KLHDC1: variants seen among roughly 807,000 people sequenced by gnomAD.
The protein encoded by KLHDC1 is kelch domain containing 1.
Under a neutral mutation model 68.3 loss-of-function variants are expected in KLHDC1, and 53 were observed. The ratio of observed to expected loss-of-function variants is 0.78; its 90% CI spans 0.62 to 0.98. The LOEUF (loss-of-function observed/expected upper bound fraction) is 0.98. Among genes scored for constraint, KLHDC1 ranks in the 50% least tolerant of loss-of-function variants. The probability of loss-of-function intolerance (pLI) is 0.00; values close to 1 mark genes in which losing one functional copy is unlikely to be tolerated. For synonymous variants in KLHDC1, 148 were observed against 159.0 expected, an observed-to-expected ratio of 0.93 and a Z score of 0.52; for missense variants, 470 against 492.3, an observed-to-expected ratio of 0.95 and a Z score of 0.43.
rs753623600 is a variant in KLHDC1, at chr14:49,723,835, A to G, written c.405-39A>G. The G allele has an allele frequency of 3.3e-5, 40 of 1,203,256 alleles. No individual in the cohort carries two copies. In the Middle Eastern group the frequency reaches 2.1e-3, roughly 63 times the overall value. 74.5% of individuals were successfully genotyped at this position (1,203,256 alleles called of 1,614,324 possible). ...AGCTTTCTATGAACAAACTGGAAACAGAATTCCTAAAGTGTGTCATTTCGT... is the reference window on the plus strand; with the variant it reads ...AGCTTTCTATGAACAAACTGGAAACGGAATTCCTAAAGTGTGTCATTTCGT... On this transcript the variant is annotated intron_variant, in intron 4 of 12. Coordinates refer to ENST00000359332, the MANE Select transcript of KLHDC1 (RefSeq NM_172193.3).
intron 11 of KLHDC1, among the ~76,000 whole-genome samples, chr14:49,742,786 C>T (rs868107036): frequency 3.1e-4 from 47 of 150,936 alleles, no homozygotes; most frequent in African/African-American, 1.1e-3. Flanking sequence ...AAAAGTTCAG[C>T]TTAAAAACAA....
chr14:49,742,168 T>C (rs1889080002), intron 11 of KLHDC1, among the ~76,000 whole-genome samples: 1 of 152,256 alleles, frequency 6.6e-6, no homozygotes, highest in Non-Finnish European at 1.5e-5. Flanking sequence ...TTGTCTTCTC[T>C]TTCTTGGCAC....
chr14:49,700,707 C>T (rs1005472458), intron 1 of KLHDC1, among the ~76,000 whole-genome samples: 1 of 152,160 alleles, frequency 6.6e-6, no homozygotes, highest in Non-Finnish European at 1.5e-5. Flanking sequence ...CTTACCGTGT[C>T]AGATATTAAA....
intron 4 of KLHDC1, among the ~76,000 whole-genome samples, chr14:49,721,545 T>C (rs1380061857): frequency 5.9e-5 from 9 of 152,316 alleles, no homozygotes; most frequent in Non-Finnish European, 1.0e-4. Flanking sequence ...TTCTTCTTTT[T>C]TAGGTTGCTA....
intron 11 of KLHDC1, among the ~76,000 whole-genome samples, chr14:49,741,624 A>G (rs904336181): frequency 6.6e-6 from 1 of 151,944 alleles, no homozygotes; most frequent in African/African-American, 2.4e-5. Context: ...TTTTTACTAT[A>G]TATCTTTTAC....
chr14:49,735,555 A>G (rs556290209), intron 10 of KLHDC1, among the ~76,000 whole-genome samples: 9 of 152,066 alleles, frequency 5.9e-5, no homozygotes, highest in Non-Finnish European at 8.8e-5. Flanking sequence ...TTTTGTCTTC[A>G]TGTATAAAAA....
At chr14:49,701,346 T>G (rs749054298) in intron 1 of KLHDC1, among the ~76,000 whole-genome samples, 7 of 151,978 alleles carry the variant, frequency 4.6e-5, no homozygotes, top group Non-Finnish European at 7.4e-5. Context: ...TGGAAAAAAT[T>G]GGCAGATCAG....
At chr14:49,722,686 T>C (rs924897812) in intron 4 of KLHDC1, among the ~76,000 whole-genome samples, 7 of 152,174 alleles carry the variant, frequency 4.6e-5, no homozygotes, top group Non-Finnish European at 1.0e-4. Flanking sequence ...GGACTTACAG[T>C]TCCATGTGGC....
chr14:49,725,844 TTTTG>T, intron 6 of KLHDC1, 75 bp downstream of exon 6: 4 of 735,580 alleles, frequency 5.4e-6, no homozygotes, highest in Non-Finnish European at 6.6e-6. Flanking sequence ...TTGGGTTTTT[TTTTG>T]TTTTGTTTTG....
chr14:49,697,799 C>G (rs1245939229), intron 1 of KLHDC1, among the ~76,000 whole-genome samples: 3 of 152,156 alleles, frequency 2.0e-5, no homozygotes, highest in Admixed American at 2.0e-4. Context: ...TGTCACATCC[C>G]TAATCTTATA....
chr14:49,702,045 G>A (rs1887922017), intron 1 of KLHDC1, among the ~76,000 whole-genome samples: 1 of 151,866 alleles, frequency 6.6e-6, no homozygotes, highest in South Asian at 2.1e-4. Flanking sequence ...GCACATGCCT[G>A]TAATCCCAGC....
chr14:49,706,026 A>G (rs377530496), intron 1 of KLHDC1, among the ~76,000 whole-genome samples: 8 of 152,306 alleles, frequency 5.3e-5, no homozygotes, highest in Non-Finnish European at 1.0e-4. Context: ...TTTGAAATGT[A>G]CAATTATTAT....
chr14:49,720,265 C>T (rs1402490005), intron 4 of KLHDC1, among the ~76,000 whole-genome samples: 3 of 152,130 alleles, frequency 2.0e-5, no homozygotes, highest in Non-Finnish European at 4.4e-5. Flanking sequence ...GGATTACAGG[C>T]GTGAGCCACA....
chr14:49,720,837 C>T (rs958680365), intron 4 of KLHDC1, among the ~76,000 whole-genome samples: 3 of 151,938 alleles, frequency 2.0e-5, no homozygotes, highest in African/African-American at 4.8e-5. Flanking sequence ...TGATGTTTTC[C>T]ATTGCTGTGT....
chr14:49,719,612 A>T (rs1888474958), intron 4 of KLHDC1, among the ~76,000 whole-genome samples: 1 of 151,054 alleles, frequency 6.6e-6, no homozygotes. Context: ...TTTATTTTTT[A>T]TTTTTTGTAG....
chr14:49,695,482 TCAA>T (rs979608085), intron 1 of KLHDC1, among the ~76,000 whole-genome samples: 10 of 152,194 alleles, frequency 6.6e-5, no homozygotes, highest in African/African-American at 2.4e-4. Flanking sequence ...GCAGCAGTTC[TCAA>T]CAATAAACTA....
At chr14:49,742,574 G>A (rs865927308) in intron 11 of KLHDC1, among the ~76,000 whole-genome samples, 9 of 151,784 alleles carry the variant, frequency 5.9e-5, no homozygotes, top group African/African-American at 2.2e-4. Context: ...TCAGGAGGCT[G>A]AGGCAAGAGA....
chr14:49,720,140 C>T (rs1202211415), intron 4 of KLHDC1, among the ~76,000 whole-genome samples: 1 of 152,174 alleles, frequency 6.6e-6, no homozygotes, highest in Non-Finnish European at 1.5e-5. Context: ...GCATGCGCCA[C>T]CAAACCCGGC....
At chr14:49,715,708 G>A (rs1371963211) in intron 4 of KLHDC1, among the ~76,000 whole-genome samples, 1 of 125,982 alleles carries the variant, frequency 7.9e-6, no homozygotes, top group African/African-American at 3.1e-5. Context: ...TTGTGCCATT[G>A]CACTCCAGCC....
Sources: allele counts gnomAD v4.1 joint callset (sites outside exome capture counted in the v4.1 genomes callset), GRCh38; gene constraint gnomAD v4.1.1; transcripts MANE v1.5; gene names NCBI Gene and HGNC (gene_info 2026-07-23, HGNC 2026-07-21).